The following TBCD variants were observed in gnomAD, a reference collection of about 807,000 sequenced individuals.
TBCD encodes the protein tubulin folding cofactor D.
In TBCD, 105 loss-of-function variants were observed where a neutral mutation model predicts 169.3. The ratio of observed to expected loss-of-function variants is 0.62; its 90% CI spans 0.53 to 0.73. The LOEUF is 0.73. Ranked by LOEUF, TBCD falls within the 30% of genes least tolerant of loss-of-function variation. The pLI, the probability that TBCD is intolerant of heterozygous loss-of-function variation, is 0.00. For synonymous variants in TBCD, 700 were observed against 643.9 expected (o/e 1.09, Z -1.32); for missense variants, 1,444 against 1,600.1 (o/e 0.90, Z 1.66).
chr17:82,870,114 A>T, intron 13 of TBCD, 110 bp from the exon 14 acceptor site: 1 of 1,466,898 alleles, frequency 6.8e-7, no homozygotes, highest in Non-Finnish European at 9.3e-7. Context: ...TGCGTGCCTC[A>T]CTCATCTGGC....
chr17:82,886,667 TCCCCTCCC>T (rs2058731144), intron 15 of TBCD, among the ~76,000 whole-genome samples: 1 of 4,084 alleles, frequency 2.4e-4, no homozygotes, highest in African/African-American at 5.8e-4. Flanking sequence ...TCCCCTCCCC[TCCCCTCCC>T]CTCCCCTCCC....
chr17:82,787,091 C>T (rs985472628), intron 7 of TBCD, among the ~76,000 whole-genome samples: 6 of 152,166 alleles, frequency 3.9e-5, no homozygotes. Flanking sequence ...GAGAGACATT[C>T]GTTTTTCCCC....
chr17:82,798,247 C>T (rs756216140), intron 8 of TBCD, among the ~76,000 whole-genome samples: 9 of 148,532 alleles, frequency 6.1e-5, no homozygotes, highest in Non-Finnish European at 1.2e-4. Flanking sequence ...CCTGGATTCA[C>T]GCCATTCTCC....
rs1028994504 is a variant in TBCD at position 82,831,542 on chromosome 17, A to G, written c.1318+16608A>G. Reference sequence around the variant, plus strand: ...GAGGGATATTGCTGGAAAAACCTGTAGTGATCGTATGTGGCTGGAGATGGA... The same window carrying G: ...GAGGGATATTGCTGGAAAAACCTGTGGTGATCGTATGTGGCTGGAGATGGA... On this transcript the variant is annotated intron_variant, in intron 13 of 38. Transcript: ENST00000355528. The surrounding 1 kb of genome is among the most constrained non-coding windows in gnomAD (Gnocchi z 4.6). 1 of 1,614,048 alleles carries G rather than the reference A, an allele frequency of 6.2e-7. No homozygotes were observed. The highest frequency in any genetic ancestry group is 1.3e-5 in the African/African-American group (1 of 74,980).
At chr17:82,840,929 C>T (rs867216804) in intron 13 of TBCD, among the ~76,000 whole-genome samples, 1 of 131,164 alleles carries the variant, frequency 7.6e-6, no homozygotes, top group Non-Finnish European at 1.6e-5. Flanking sequence ...GGCATAGGGA[C>T]GAGCTGGCCA....
In TBCD at chr17:82,880,886, A is replaced by G. The variant is rs2058306897; in HGVS notation, c.1476-3259A>G. On this transcript the variant is annotated intron_variant, in intron 14 of 38. Transcript: ENST00000355528. The surrounding 1 kb of genome is among the most constrained non-coding windows in gnomAD (Gnocchi z 5.0). Reference sequence around the variant, plus strand: ...GCCATCCTTGCAGTGTGAGTGAGCAAGTGGCCGAGGGGTAGACTTTGGATG... The same window carrying G: ...GCCATCCTTGCAGTGTGAGTGAGCAGGTGGCCGAGGGGTAGACTTTGGATG... Among the ~76,000 whole-genome samples, 1 of 152,076 alleles carries G rather than the reference A, an allele frequency of 6.6e-6. No homozygotes were observed. The highest frequency in any genetic ancestry group is 2.4e-5 in the African/African-American group (1 of 41,400).
chr17:82,841,363 G>T (rs1209871716), intron 13 of TBCD, among the ~76,000 whole-genome samples: 5 of 150,950 alleles, frequency 3.3e-5, no homozygotes, highest in Non-Finnish European at 7.4e-5. Context: ...TGTCACCCAA[G>T]CTGGAGTGCA....
chr17:82,809,445 G>A (rs1439674902), intron 11 of TBCD, among the ~76,000 whole-genome samples: 4 of 152,176 alleles, frequency 2.6e-5, no homozygotes, highest in African/African-American at 7.2e-5. Context: ...GGCCTGCAGC[G>A]TCCGCGTTAC....
chr17:82,914,840 G>A (rs1055870069), intron 23 of TBCD, among the ~76,000 whole-genome samples: 2 of 152,232 alleles, frequency 1.3e-5, no homozygotes, highest in African/African-American at 4.8e-5. Flanking sequence ...TTTACACTTC[G>A]TAGGAAATTA....
Position 82,943,945 on chromosome 17 carries a change from C to T in TBCD, c.*1482C>T, listed in dbSNP as rs2063497596. ...TCCACACAGTGGAAAAGGCTTGGCT[C>T]CTGTGGTCGGCACACACGAGACTCT... On this transcript the variant is annotated 3_prime_UTR_variant, in exon 39 of 39. Transcript: ENST00000355528. The T allele has an allele frequency of 6.6e-6, 1 of 152,172 alleles. No homozygotes were observed. Among genetic ancestry groups the T allele is most frequent in the Non-Finnish European group, 1.5e-5 (1 of 68,056 alleles). The allele number at this position is 152,172 out of a possible 1,614,324, so 9.4% of individuals were successfully genotyped here.
intron 4 of TBCD, among the ~76,000 whole-genome samples, chr17:82,766,602 G>A (rs1013231049): frequency 2.6e-5 from 4 of 152,018 alleles, no homozygotes; most frequent in African/African-American, 9.7e-5. Flanking sequence ...ATGCCTAGGT[G>A]TAGTTTAACA....
At position 82,832,527 on chromosome 17, in the gene TBCD, T is replaced by C. The variant is rs1444944942; in HGVS notation, c.1318+17593T>C. The C allele has an allele frequency of 7.2e-7, 1 of 1,391,708 alleles. No homozygotes were observed. The highest frequency in any genetic ancestry group is 1.0e-6 in the Non-Finnish European group (1 of 993,502). 86.2% of individuals were successfully genotyped at this position (1,391,708 alleles called of 1,614,324 possible). A position where few individuals can be genotyped will look rare whatever the true frequency, so the allele number is the denominator to read the frequency against. On this transcript the variant is annotated intron_variant, in intron 13 of 38. Coordinates refer to ENST00000355528, the MANE Select transcript of TBCD (RefSeq NM_005993.5). The surrounding 1 kb of genome is among the most constrained non-coding windows in gnomAD (Gnocchi z 4.9). ...TGTCGACGCCGCGTGCACTTCGTGG[T>C]TTCTAAAGAGGCACCTCCCGCTTTG... is the stretch of plus-strand genomic sequence containing the variant.
intron 11 of TBCD, among the ~76,000 whole-genome samples, 164 bp downstream of exon 11, chr17:82,807,832 C>T (rs1568166957): frequency 6.6e-6 from 1 of 152,230 alleles, no homozygotes; most frequent in Admixed American, 6.5e-5. Context: ...AAGATGGTTC[C>T]CGAGGCGGAG....
intron 6 of TBCD, among the ~76,000 whole-genome samples, chr17:82,776,727 G>A (rs1408552592): frequency 1.3e-5 from 2 of 152,168 alleles, no homozygotes; most frequent in Non-Finnish European, 2.9e-5. Flanking sequence ...GTGAGGATGG[G>A]CCCTTAGAGA....
At chr17:82,907,532 A>G (rs1363472598) in intron 20 of TBCD, among the ~76,000 whole-genome samples, 4 of 152,218 alleles carry the variant, frequency 2.6e-5, no homozygotes, top group Admixed American at 2.0e-4. Flanking sequence ...TAACAAAAGA[A>G]TGCAATGTAA....
chr17:82,771,423 GT>G (rs879433375), intron 5 of TBCD, among the ~76,000 whole-genome samples: 87 of 144,994 alleles, frequency 6.0e-4, no homozygotes, highest in African/African-American at 6.3e-4. Flanking sequence ...GCTGCAGTGA[GT>G]TTTTTTTTTT....
At chr17:82,876,711 G>A (rs962716881) in intron 14 of TBCD, among the ~76,000 whole-genome samples, 7 of 152,196 alleles carry the variant, frequency 4.6e-5, no homozygotes, top group South Asian at 2.1e-4. Flanking sequence ...TTTCTCAGGC[G>A]TTGCTGTATT....
chr17:82,758,415 ATAAAT>A lies in TBCD; in HGVS notation c.235+2202_235+2206del, dbSNP rs1408863136. ...AAAAAAAAAAAAAATAAATAAATAA[ATAAAT>A]TTTTTTTTTTGTAGAGAAGGGGTCT... On this transcript the variant is annotated intron_variant, in intron 2 of 38. Transcript: ENST00000355528. 6.9e-4 allele frequency among the ~76,000 whole-genome samples: 99 copies of A among 143,176 alleles called. 1 individual carries two copies. The highest frequency in any genetic ancestry group is 3.6e-3 in the Middle Eastern group (1 of 280). The allele number at this position is 143,176 out of a possible 152,430, so 93.9% of individuals were successfully genotyped here.
At chr17:82,911,559 A>G (rs1258669496) in intron 22 of TBCD, among the ~76,000 whole-genome samples, 199 bp from the exon 23 acceptor site, 3 of 152,272 alleles carry the variant, frequency 2.0e-5, no homozygotes, top group Non-Finnish European at 4.4e-5. Context: ...CACCCCAGCT[A>G]GGATGGGAGA....
Sources: gnomAD v4.1 joint callset for allele counts (sites outside exome capture counted in the v4.1 genomes callset) on GRCh38, gnomAD v4.1.1 for gene constraint, Gnocchi (gnomAD v3.1) non-coding constraint, MANE v1.5 for transcripts, NCBI Gene and HGNC (gene_info 2026-07-23, HGNC 2026-07-21) for gene names.